EPHB3: variants seen among roughly 807,000 people sequenced by gnomAD.
EPHB3 encodes ephrin type-B receptor 3.
In EPHB3, 33 loss-of-function variants were observed where a neutral mutation model predicts 100.2. That is an observed-to-expected ratio of 0.33 (90% CI 0.25 to 0.44). The LOEUF (loss-of-function observed/expected upper bound fraction) is 0.44, where lower values mean the gene tolerates loss of function less well. Among genes scored for constraint, EPHB3 ranks in the 20% least tolerant of loss-of-function variants. The pLI is 1.00. For synonymous variants in EPHB3, 526 were observed against 554.7 expected, an observed-to-expected ratio of 0.95 and a Z score of 0.73; for missense variants, 1,045 against 1,378.3, an observed-to-expected ratio of 0.76 and a Z score of 3.83.
rs376603901 is a variant in EPHB3 at position 184,572,619 on chromosome 3, G to A, written c.299G>A (p.Arg100Gln). 292 of 1,553,752 alleles carry A rather than the reference G, an allele frequency of 1.9e-4. No homozygotes were observed. The highest frequency in any genetic ancestry group is 8.6e-4 in the Admixed American group (44 of 51,062). Residue 100 changes from arginine (R) to glutamine (Q), a missense_variant, in exon 3 of 16, where the codon CGG becomes CAG. Arg to Gln is a conservative substitution (Grantham distance 43). Transcript: ENST00000330394. The surrounding 1 kb of genome is among the most constrained non-coding windows in gnomAD (Gnocchi z 6.6). ...NWLRTGFIWR[R>Q]DVQRVYVELK... ...CTTCGCACGGGGTTCATCTGGCGGC[G>A]GGATGTGCAGCGGGTCTACGTGGAG... is the stretch of plus-strand genomic sequence containing the variant.
intron 1 of EPHB3, among the ~76,000 whole-genome samples, chr3:184,567,500 T>TGC (rs1267559464): frequency 6.6e-6 from 1 of 152,018 alleles, no homozygotes; most frequent in Non-Finnish European, 1.5e-5. Context: ...TGTGTGTGTG[T>TGC]GTGTGTGTGT....
chr3:184,572,474 ACT>A lies in EPHB3; in HGVS notation c.184-27_184-26del. The A allele has an allele frequency of 6.5e-7, 1 of 1,529,378 alleles. No homozygotes were observed. 94.7% of individuals were successfully genotyped at this position (1,529,378 alleles called of 1,614,324 possible). A position where few individuals can be genotyped will look rare whatever the true frequency, so the allele number is the denominator to read the frequency against. Reference sequence around the variant, plus strand: ...AAGCACTTGGCAAATGCAGGCATTCACTCTGTCTTTTTCATTGGTCCATGCAC... The same window carrying A: ...AAGCACTTGGCAAATGCAGGCATTCACTGTCTTTTTCATTGGTCCATGCAC... On this transcript the variant is annotated intron_variant, in intron 2 of 15. Coordinates refer to ENST00000330394, the MANE Select transcript of EPHB3 (RefSeq NM_004443.4). The surrounding 1 kb of genome is among the most constrained non-coding windows in gnomAD (Gnocchi z 6.6).
chr3:184,571,231 G>T lies in EPHB3; in HGVS notation c.119-87G>T. 7.3e-7 allele frequency: 1 copy of T among 1,378,902 alleles called. No homozygotes were observed. The highest frequency in any genetic ancestry group is 1.0e-6 in the Non-Finnish European group (1 of 970,316). The allele number at this position is 1,378,902 out of a possible 1,614,324, so 85.4% of individuals were successfully genotyped here. ...AGACTCCCAAAGTGCTGGGATTACA[G>T]GTGTGAGCCACTTCGCTCATCTGTG... On this transcript the variant is annotated intron_variant, in intron 1 of 15. Coordinates refer to ENST00000330394, the MANE Select transcript of EPHB3 (RefSeq NM_004443.4). This position sits in a 1 kb window ranked among gnomAD's most constrained non-coding sequence, Gnocchi z 5.0.
chr3:184,570,352 CT>C (rs1468850494), intron 1 of EPHB3, among the ~76,000 whole-genome samples: 1 of 152,222 alleles, frequency 6.6e-6, no homozygotes, highest in Non-Finnish European at 1.5e-5. Flanking sequence ...CTGATCCACC[CT>C]TGTCCCCTCA....
At chr3:184,568,861 G>A (rs556049743) in intron 1 of EPHB3, among the ~76,000 whole-genome samples, 5 of 152,300 alleles carry the variant, frequency 3.3e-5, no homozygotes, top group African/African-American at 1.2e-4. Context: ...CCAAGGCTGA[G>A]CGATGGCCAA....
At chr3:184,576,239 T>TGCTCCTAGCCATGCTCAGGAACTG (rs1344901527) in intron 4 of EPHB3, among the ~76,000 whole-genome samples, 173 of 151,724 alleles carry the variant, frequency 1.1e-3, no homozygotes, top group Non-Finnish European at 1.8e-3. Context: ...CTCAGGAACT[T>TGCTCCTAGCCATGCTCAGGAACTG]GCTCCTAGCC....
At chr3:184,575,786 C>T (rs1479003965) in intron 3 of EPHB3, 44 bp from the exon 4 acceptor site, 4 of 1,541,318 alleles carry the variant, frequency 2.6e-6, no homozygotes, top group South Asian at 1.3e-5. Flanking sequence ...CTGGTGTCTG[C>T]AGGGAAGGGA....
chr3:184,571,487 C>G lies in EPHB3; in HGVS notation c.183+105C>G. The G allele has an allele frequency of 8.8e-7, 1 of 1,133,028 alleles. No homozygotes were observed. Among genetic ancestry groups the G allele is most frequent in the Non-Finnish European group, 1.3e-6 (1 of 762,492 alleles). 70.2% of individuals were successfully genotyped at this position (1,133,028 alleles called of 1,614,324 possible). On this transcript the variant is annotated intron_variant, in intron 2 of 15. Coordinates refer to ENST00000330394, the MANE Select transcript of EPHB3 (RefSeq NM_004443.4). The surrounding 1 kb of genome is among the most constrained non-coding windows in gnomAD (Gnocchi z 5.0). ...TCACCAGGGCCTGGAGGAGGGCTGC[C>G]TCTGCCCTCTGCCTGTCACCCTCAC...
chr3:184,578,952 G>A lies in EPHB3; in HGVS notation c.1801+486G>A, dbSNP rs113862738. 6.6e-6 allele frequency among the ~76,000 whole-genome samples: 1 copy of A among 152,066 alleles called. No individual in the cohort carries two copies. The highest frequency in any genetic ancestry group is 2.4e-5 in the African/African-American group (1 of 41,402). ...GAAGGAGCCCAACTGTGGGGGCAGC[G>A]AGAAGACTGGTTTGACAGCTGCTGG... On this transcript the variant is annotated intron_variant, in intron 9 of 15. Coordinates refer to ENST00000330394, the MANE Select transcript of EPHB3 (RefSeq NM_004443.4). The surrounding 1 kb of genome is among the most constrained non-coding windows in gnomAD (Gnocchi z 4.7).
At chr3:184,580,256 G>A in intron 11 of EPHB3, 146 bp from the exon 12 acceptor site, 2 of 995,738 alleles carry the variant, frequency 2.0e-6, no homozygotes, top group South Asian at 1.5e-5. Flanking sequence ...ACACATAGTA[G>A]GGCAGCTCAC....
intron 3 of EPHB3, among the ~76,000 whole-genome samples, chr3:184,574,136 AAC>A (rs1714613313): frequency 6.6e-6 from 1 of 152,184 alleles, no homozygotes; most frequent in Admixed American, 6.5e-5. Context: ...TTGCCCGTAG[AAC>A]AGTGTCTGGC....
Position 184,562,599 on chromosome 3 carries a change from C to T in EPHB3, c.118+246C>T, listed in dbSNP as rs971428088. Among the ~76,000 whole-genome samples the T allele has an allele frequency of 2.6e-5, 4 of 152,214 alleles. No homozygotes were observed. Among genetic ancestry groups the T allele is most frequent in the African/African-American group, 7.2e-5 (3 of 41,550 alleles). On this transcript the variant is annotated intron_variant, in intron 1 of 15. Coordinates refer to ENST00000330394, the MANE Select transcript of EPHB3 (RefSeq NM_004443.4). The surrounding 1 kb of genome is among the most constrained non-coding windows in gnomAD (Gnocchi z 4.8). ...GGGGAGCTAGACTCGGGACGAACGT[C>T]CCCCAGAGTCCTGGCCCTGCTGTGA...
In EPHB3 at chr3:184,569,225, C is replaced by T. The variant is rs866693275; in HGVS notation, c.119-2093C>T. ...GGCGGACCGGCGGGAGGACTGGCTG[C>T]GGGGGCAGGGCGCGCTTGCTCTGCC... On this transcript the variant is annotated intron_variant, in intron 1 of 15. Transcript: ENST00000330394. This position sits in a 1 kb window ranked among gnomAD's most constrained non-coding sequence, Gnocchi z 5.4. 9.9e-4 allele frequency among the ~76,000 whole-genome samples: 125 copies of T among 126,536 alleles called. 1 individual carries two copies. The highest frequency in any genetic ancestry group is 1.9e-3 in the Non-Finnish European group (107 of 57,030). 83.0% of individuals were successfully genotyped at this position (126,536 alleles called of 152,430 possible). A position where few individuals can be genotyped will look rare whatever the true frequency, so the allele number is the denominator to read the frequency against.
chr3:184,567,373 C>T (rs189475124), intron 1 of EPHB3, among the ~76,000 whole-genome samples: 15 of 152,284 alleles, frequency 9.9e-5, no homozygotes, highest in East Asian at 5.8e-4. Flanking sequence ...CCTGCCTGAG[C>T]GAGAGGCACC....
chr3:184,576,725 T>G, intron 4 of EPHB3, 117 bp from the exon 5 acceptor site: 1 of 1,010,628 alleles, frequency 9.9e-7, no homozygotes, highest in Non-Finnish European at 1.4e-6. Flanking sequence ...ATTCTGCTTA[T>G]CAAAGCAGAG....
rs1714831775 is a variant in EPHB3, at chr3:184,581,854, A to G, written c.*232A>G. ...GGAGAGGGGGTGATGACCCCTCCCC[A>G]AGCCCCTCAGGGCCCAGACCTTCCT... On this transcript the variant is annotated 3_prime_UTR_variant, in exon 16 of 16. Transcript: ENST00000330394. The G allele has an allele frequency of 2.0e-6, 1 of 498,952 alleles. No individual in the cohort carries two copies. The highest frequency in any genetic ancestry group is 3.5e-6 in the Non-Finnish European group (1 of 285,238). 30.9% of individuals were successfully genotyped at this position (498,952 alleles called of 1,614,324 possible).
Position 184,579,526 on chromosome 3 carries a change from TA to T in EPHB3, c.1853del (p.Asn618MetfsTer21). 6.2e-7 allele frequency: 1 copy of T among 1,614,044 alleles called. No individual in the cohort carries two copies. The highest frequency in any genetic ancestry group is 8.5e-7 in the Non-Finnish European group (1 of 1,179,994). On this transcript the variant is annotated frameshift_variant, in exon 10 of 16. Transcript: ENST00000330394. LOFTEE classifies it high-confidence loss of function. The surrounding 1 kb of genome is among the most constrained non-coding windows in gnomAD (Gnocchi z 5.2). ...TTGACCCTTTTACCTACGAGGACCC[TA>T]ATGAGGCTGTTCGGGAGTTTGCCAA... ...YIDPFTYEDP[N>X]EAVREFAKEI...
In EPHB3 at chr3:184,571,938, T is replaced by C. The variant is rs1714549285; in HGVS notation, c.183+556T>C. 6.6e-6 allele frequency among the ~76,000 whole-genome samples: 1 copy of C among 152,170 alleles called. No individual in the cohort carries two copies. The highest frequency in any genetic ancestry group is 1.5e-5 in the Non-Finnish European group (1 of 68,038). On this transcript the variant is annotated intron_variant, in intron 2 of 15. Transcript: ENST00000330394. This position sits in a 1 kb window ranked among gnomAD's most constrained non-coding sequence, Gnocchi z 5.0. ...GTCACCAGGCCTGACTGTGTGACCT[T>C]GGGCAAAACTCCCTTCTGCGAGCCT...
At position 184,578,091 on chromosome 3, in the gene EPHB3, G is replaced by A. The variant is rs916130721; in HGVS notation, c.1748+85G>A. The A allele has an allele frequency of 1.3e-5, 19 of 1,428,944 alleles. No homozygotes were observed. The highest frequency in any genetic ancestry group is 7.0e-5 in the East Asian group (3 of 42,592). 88.5% of individuals were successfully genotyped at this position (1,428,944 alleles called of 1,614,324 possible). A position where few individuals can be genotyped will look rare whatever the true frequency, so the allele number is the denominator to read the frequency against. On this transcript the variant is annotated intron_variant, in intron 8 of 15. Coordinates refer to ENST00000330394, the MANE Select transcript of EPHB3 (RefSeq NM_004443.4). This position sits in a 1 kb window ranked among gnomAD's most constrained non-coding sequence, Gnocchi z 4.7. Reference sequence around the variant, plus strand: ...AGCCCTCATGCCACAGAGATGAGCCGCCACCACTTCCCTCAGACCCAGGGC... The same window carrying A: ...AGCCCTCATGCCACAGAGATGAGCCACCACCACTTCCCTCAGACCCAGGGC...
Sources: allele counts gnomAD v4.1 joint callset (sites outside exome capture counted in the v4.1 genomes callset), GRCh38; gene constraint gnomAD v4.1.1; non-coding constraint Gnocchi (gnomAD v3.1); transcripts MANE v1.5; gene names NCBI Gene and HGNC (gene_info 2026-07-23, HGNC 2026-07-21).